Variants in PRLHR observed in about 807,000 individuals in gnomAD.
The protein encoded by PRLHR is prolactin-releasing peptide receptor.
PRLHR carries 10 observed loss-of-function variants against 9.3 expected under a neutral mutation model. The observed-to-expected ratio is 1.08, with a 90% CI of 0.66 to 1.82. The LOEUF is 1.82. Ranked by LOEUF, PRLHR falls within the 40% of genes most tolerant of loss-of-function variation. The pLI is 0.00. For missense variants in PRLHR, 589 were observed against 512.0 expected, an observed-to-expected ratio of 1.15 and a Z score of -1.45; for synonymous variants, 261 against 249.3, an observed-to-expected ratio of 1.05 and a Z score of -0.44.
chr10:118,595,100 G>T lies in PRLHR; in HGVS notation c.145C>A (p.Pro49Thr), dbSNP rs976084353. The T allele has an allele frequency of 1.9e-6, 3 of 1,604,944 alleles. No homozygotes were observed. The highest frequency in any genetic ancestry group is 1.7e-5 in the Admixed American group (1 of 59,842). Residue 49 changes from proline (P) to threonine (T), a missense_variant, in exon 2 of 2, where the codon CCC (proline) becomes ACC (threonine). Coordinates refer to ENST00000239032, the MANE Select transcript of PRLHR (RefSeq NM_004248.3). ...TGCACCAGCTGCAGGCTCTGGAAGGGCGTGACGGCTGGAGCGTCCGCGCCA... is the reference window on the plus strand; with the variant it reads ...TGCACCAGCTGCAGGCTCTGGAAGGTCGTGACGGCTGGAGCGTCCGCGCCA... ...VAGADAPAVT[P>T]FQSLQLVHQL...
rs1356088764 is a variant in PRLHR at position 118,593,343 on chromosome 10, C to T, written c.*789G>A. On this transcript the variant is annotated 3_prime_UTR_variant, in exon 2 of 2. Coordinates refer to ENST00000239032, the MANE Select transcript of PRLHR (RefSeq NM_004248.3). The stretch of plus-strand genomic sequence containing the variant: ...ACACATACACACACATACACAAACA[C>T]ACATACACAGAGGATGTCTGTCCTT... 1 of 152,256 alleles carries T rather than the reference C, an allele frequency of 6.6e-6. No individual in the cohort carries two copies. Among genetic ancestry groups the T allele is most frequent in the Non-Finnish European group, 1.5e-5 (1 of 68,052 alleles). 9.4% of individuals were successfully genotyped at this position (152,256 alleles called of 1,614,324 possible).
Position 118,595,555 on chromosome 10 carries a change from A to G in PRLHR, c.-46T>C. On this transcript the variant is annotated 5_prime_UTR_variant, in exon 1 of 2. Coordinates refer to ENST00000239032, the MANE Select transcript of PRLHR (RefSeq NM_004248.3). ...TGGAGAGCGGGAAAGCACTCGCGGG[A>G]AGAAGGGGCAGAATTTCTGCTGGCC... 3.9e-6 allele frequency: 1 copy of G among 256,962 alleles called. No individual in the cohort carries two copies. The allele number at this position is 256,962 out of a possible 1,614,324, so 15.9% of individuals were successfully genotyped here.
chr10:118,593,912 C>T lies in PRLHR; in HGVS notation c.*220G>A. 1.0e-5 allele frequency: 7 copies of T among 674,526 alleles called. No homozygotes were observed. The highest frequency in any genetic ancestry group is 1.5e-5 in the Non-Finnish European group (7 of 482,590). The allele number at this position is 674,526 out of a possible 1,614,324, so 41.8% of individuals were successfully genotyped here. On this transcript the variant is annotated 3_prime_UTR_variant, in exon 2 of 2. Transcript: ENST00000239032. ...AAATCCTCTTCCCTCTCTTTGGCCT[C>T]CCCCAAGCAAAGAGCAAGACTCTCA...
At position 118,593,934 on chromosome 10, in the gene PRLHR, C is replaced by G; in HGVS notation, c.*198G>C. 1 of 901,334 alleles carries G rather than the reference C, an allele frequency of 1.1e-6. No individual in the cohort carries two copies. Among genetic ancestry groups the G allele is most frequent in the Non-Finnish European group, 1.5e-6 (1 of 680,936 alleles). 55.8% of individuals were successfully genotyped at this position (901,334 alleles called of 1,614,324 possible). On this transcript the variant is annotated 3_prime_UTR_variant, in exon 2 of 2. Transcript: ENST00000239032. ...CCTCCCCCAAGCAAAGAGCAAGACT[C>G]TCACCAAAGCCCGCTTAACATTTTA...
Position 118,594,980 on chromosome 10 carries a change from G to T in PRLHR, c.265C>A (p.Arg89Ser). The change falls in exon 2 of 2, where the codon CGC becomes AGC. Residue 89 changes from arginine (R) to serine (S), a missense_variant. Transcript: ENST00000239032. ...CLLVLVIARV[R>S]RLHNVTNFLI... ...AAGTTCGTCACGTTGTGCAGCCGGC[G>T]CACCCGCGCGATCACCAGCACCAGC... 6.2e-7 allele frequency: 1 copy of T among 1,613,572 alleles called. No homozygotes were observed. Among genetic ancestry groups the T allele is most frequent in the African/African-American group, 1.3e-5 (1 of 75,066 alleles).
Position 118,594,990 on chromosome 10 carries a change from G to T in PRLHR, c.255C>A (p.Ile85=). The T allele has an allele frequency of 1.2e-6, 2 of 1,613,482 alleles. No homozygotes were observed. The highest frequency in any genetic ancestry group is 1.7e-6 in the Non-Finnish European group (2 of 1,179,794). Residue 85 remains isoleucine (I), a synonymous_variant, in exon 2 of 2, where the codon ATC becomes ATA. Coordinates refer to ENST00000239032, the MANE Select transcript of PRLHR (RefSeq NM_004248.3). ...CGTTGTGCAGCCGGCGCACCCGCGC[G>T]ATCACCAGCACCAGCAGGCAGTTGC... ...LVGNCLLVLV[I]ARVRRLHNVT... is the part of the protein sequence containing the mutation.
rs1308832942 is a variant in PRLHR, at chr10:118,594,234, C to T, written c.1011G>A (p.Trp337Ter). ...SACYNPFIYA[W>*]LHDSFREELR... The stretch of plus-strand genomic sequence containing the variant: ...GCTCCTCGCGGAAGCTGTCGTGCAG[C>T]CAGGCGTAGATGAAGGGGTTGTAGC... Residue 337 changes from tryptophan to a stop codon, truncating the protein, a stop_gained, in exon 2 of 2, where the codon TGG becomes TGA. Transcript: ENST00000239032. LOFTEE classifies it high-confidence loss of function. The T allele has an allele frequency of 6.3e-7, 1 of 1,598,694 alleles. No homozygotes were observed. The highest frequency in any genetic ancestry group is 8.5e-7 in the Non-Finnish European group (1 of 1,172,970).
rs1284372924 is a variant in PRLHR, at chr10:118,594,205, C to T, written c.1040G>A (p.Arg347His). 12 of 1,578,380 alleles carry T rather than the reference C, an allele frequency of 7.6e-6. No homozygotes were observed. Among genetic ancestry groups the T allele is most frequent in the Admixed American group, 3.5e-5 (2 of 56,640 alleles). The change falls in exon 2 of 2, where the codon CGC (arginine) becomes CAC (histidine). Residue 347 changes from arginine (R) to histidine (H), a missense_variant. Coordinates refer to ENST00000239032, the MANE Select transcript of PRLHR (RefSeq NM_004248.3). ...GCGGGGCCAAGCGACCAACAGTTTG[C>T]GCAGCTCCTCGCGGAAGCTGTCGTG... is the stretch of plus-strand genomic sequence containing the variant. ...WLHDSFREEL[R>H]KLLVAWPRKI...
chr10:118,594,129 G>A lies in PRLHR; in HGVS notation c.*3C>T, dbSNP rs1844456718. 6.6e-7 allele frequency: 1 copy of A among 1,517,784 alleles called. No individual in the cohort carries two copies. Among genetic ancestry groups the A allele is most frequent in the Admixed American group, 2.2e-5 (1 of 45,718 alleles). 94.0% of individuals were successfully genotyped at this position (1,517,784 alleles called of 1,614,324 possible). On this transcript the variant is annotated 3_prime_UTR_variant, in exon 2 of 2. Transcript: ENST00000239032. ...TCCTTGACCAAGGCCTGGCTAAGTGGCATCAGATGACCACGCTGACGGTCA... is the reference window on the plus strand; with the variant it reads ...TCCTTGACCAAGGCCTGGCTAAGTGACATCAGATGACCACGCTGACGGTCA...
At position 118,592,217 on chromosome 10, in the gene PRLHR, A is replaced by G. The variant is rs1243432591; in HGVS notation, c.*1915T>C. 3 of 152,032 alleles carry G rather than the reference A, an allele frequency of 2.0e-5. No homozygotes were observed. The highest frequency in any genetic ancestry group is 7.2e-5 in the African/African-American group (3 of 41,392). The allele number at this position is 152,032 out of a possible 1,614,324, so 9.4% of individuals were successfully genotyped here. On this transcript the variant is annotated 3_prime_UTR_variant, in exon 2 of 2. Coordinates refer to ENST00000239032, the MANE Select transcript of PRLHR (RefSeq NM_004248.3). ...CAAACCTTCCAACAAAGAGCCGACG[A>G]TGAATCAGATCCCTCCCCAAATAAT...
At position 118,594,622 on chromosome 10, in the gene PRLHR, A is replaced by C. The variant is rs1297641611; in HGVS notation, c.623T>G (p.Val208Gly). 6.3e-6 allele frequency: 10 copies of C among 1,577,664 alleles called. No homozygotes were observed. Among genetic ancestry groups the C allele is most frequent in the Admixed American group, 1.8e-5 (1 of 55,800 alleles). ...GCCCCAGAACTCCTCGCAGAGGCGC[A>C]CGTCGTGCGGCTTGAGCTCCACGTG... ...TYHVELKPHD[V>G]RLCEEFWGSQ... is the part of the protein sequence containing the mutation. Residue 208 changes from valine (V) to glycine (G), a missense_variant, in exon 2 of 2, where the codon GTG becomes GGG. Physicochemically the swap from Val to Gly is moderately radical, Grantham distance 109 (BLOSUM62 -3). Coordinates refer to ENST00000239032, the MANE Select transcript of PRLHR (RefSeq NM_004248.3).
rs1458997794 is a variant in PRLHR, at chr10:118,594,782, T to C, written c.463A>G (p.Ile155Val). The C allele has an allele frequency of 1.2e-6, 2 of 1,611,676 alleles. No individual in the cohort carries two copies. Among genetic ancestry groups the C allele is most frequent in the East Asian group, 2.2e-5 (1 of 44,856 alleles). Residue 155 changes from isoleucine (I) to valine (V), a missense_variant, in exon 2 of 2, where the codon ATC becomes GTC. Transcript: ENST00000239032. ...VYVSVFTLTT[I>V]AVDRYVVLVH... Reference sequence around the variant, plus strand: ...AGCACGACGTAGCGGTCCACTGCGATGGTGGTGAGCGTGAACACCGACACA... The same window carrying C: ...AGCACGACGTAGCGGTCCACTGCGACGGTGGTGAGCGTGAACACCGACACA...
Position 118,594,981 on chromosome 10 carries a change from C to T in PRLHR, c.264G>A (p.Val88=). 1 of 1,613,578 alleles carries T rather than the reference C, an allele frequency of 6.2e-7. No individual in the cohort carries two copies. The highest frequency in any genetic ancestry group is 1.1e-5 in the South Asian group (1 of 91,038). Residue 88 remains valine (V), a synonymous_variant, in exon 2 of 2, where the codon GTG becomes GTA. Transcript: ENST00000239032. The stretch of plus-strand genomic sequence containing the variant: ...AGTTCGTCACGTTGTGCAGCCGGCG[C>T]ACCCGCGCGATCACCAGCACCAGCA... The part of the protein sequence containing the change: ...NCLLVLVIAR[V]RRLHNVTNFL...
chr10:118,595,182 C>T lies in PRLHR; in HGVS notation c.63G>A (p.Ala21=), dbSNP rs1478433016. 15 of 1,575,350 alleles carry T rather than the reference C, an allele frequency of 9.5e-6. No homozygotes were observed. The highest frequency in any genetic ancestry group is 1.3e-5 in the Non-Finnish European group (15 of 1,165,874). Residue 21 remains alanine, a synonymous_variant, in exon 2 of 2, where the codon GCG becomes GCA. Transcript: ENST00000239032. ...CGCTCTGGTTGGCGGGAGTTGTGAC[C>T]GCCGGCGGCAGCCCAGAAAATAAGT... The part of the protein sequence containing the change: ...VSDLFSGLPP[A]VTTPANQSAE...
chr10:118,594,600 C>T lies in PRLHR; in HGVS notation c.645G>A (p.Trp215Ter). The T allele has an allele frequency of 6.4e-7, 1 of 1,568,892 alleles. No individual in the cohort carries two copies. The highest frequency in any genetic ancestry group is 2.3e-5 in the East Asian group (1 of 42,754). ...GCTGGCGCTGGCGCTCCTGGGAGCC[C>T]CAGAACTCCTCGCAGAGGCGCACGT... ...PHDVRLCEEF[W>*]GSQERQRQLY... The change falls in exon 2 of 2, where the codon TGG (tryptophan) becomes TGA (stop). Residue 215 changes from tryptophan (W) to a stop codon, truncating the protein, a stop_gained. Transcript: ENST00000239032. LOFTEE classifies it low-confidence loss of function (END_TRUNC).
chr10:118,591,026 T>A lies in PRLHR; in HGVS notation c.*3106A>T, dbSNP rs1230632310. 6.6e-6 allele frequency: 1 copy of A among 152,226 alleles called. No homozygotes were observed. The highest frequency in any genetic ancestry group is 2.4e-5 in the African/African-American group (1 of 41,456). 9.4% of individuals were successfully genotyped at this position (152,226 alleles called of 1,614,324 possible). On this transcript the variant is annotated 3_prime_UTR_variant, in exon 2 of 2. Transcript: ENST00000239032. ...TAAACTTAAGCTAATCAAGGAGCAC[T>A]TTTTCTAACACCCTGACAACCAGGA...
chr10:118,595,520 G>A lies in PRLHR; in HGVS notation c.-11C>T. ...GACTCAGGAGCGCGATCCTACCTGG[G>A]AGTGGGGTTTGGAGAGCGGGAAAGC... On this transcript the variant is annotated 5_prime_UTR_variant, in exon 1 of 2. Coordinates refer to ENST00000239032, the MANE Select transcript of PRLHR (RefSeq NM_004248.3). 3.0e-6 allele frequency: 1 copy of A among 330,670 alleles called. No individual in the cohort carries two copies. Among genetic ancestry groups the A allele is most frequent in the Non-Finnish European group, 5.5e-6 (1 of 182,632 alleles). The allele number at this position is 330,670 out of a possible 1,614,324, so 20.5% of individuals were successfully genotyped here. A position where few individuals can be genotyped will look rare whatever the true frequency, so the allele number is the denominator to read the frequency against.
rs781102397 is a variant in PRLHR, at chr10:118,594,711, G to C, written c.534C>G (p.Tyr178Ter). 3 of 1,600,076 alleles carry C rather than the reference G, an allele frequency of 1.9e-6. No homozygotes were observed. The highest frequency in any genetic ancestry group is 2.2e-5 in the East Asian group (1 of 44,646). The stretch of plus-strand genomic sequence containing the variant: ...ACAGCGCCCAGATGGCCAGCACAGC[G>C]TAGGCGCTGAGGCGCAGCGAGATGC... ...RRRISLRLSA[Y>*]AVLAIWALSA... Residue 178 changes from tyrosine to a stop codon, truncating the protein, a stop_gained, in exon 2 of 2, where the codon TAC (tyrosine) becomes TAG (stop). Coordinates refer to ENST00000239032, the MANE Select transcript of PRLHR (RefSeq NM_004248.3). LOFTEE classifies it low-confidence loss of function (END_TRUNC).
chr10:118,591,176 C>CT lies in PRLHR; in HGVS notation c.*2955dup, dbSNP rs1491391346. On this transcript the variant is annotated 3_prime_UTR_variant, in exon 2 of 2. Coordinates refer to ENST00000239032, the MANE Select transcript of PRLHR (RefSeq NM_004248.3). ...CTGGAGTGCAGTGGTGTAATGATAG[C>CT]TCACTGCAGCCCAGTGATCCTCCCA... 1 of 152,042 alleles carries CT rather than the reference C, an allele frequency of 6.6e-6. No individual in the cohort carries two copies. The highest frequency in any genetic ancestry group is 1.5e-5 in the Non-Finnish European group (1 of 68,036). 9.4% of individuals were successfully genotyped at this position (152,042 alleles called of 1,614,324 possible).
Sources: gnomAD v4.1 joint callset for allele counts on GRCh38, gnomAD v4.1.1 for gene constraint, MANE v1.5 for transcripts, NCBI Gene and HGNC (gene_info 2026-07-23, HGNC 2026-07-21) for gene names.